The following C16orf92 variants were observed in gnomAD, a reference collection of about 807,000 sequenced individuals.
C16orf92 encodes the protein fertilization-influencing membrane protein 1.
Under a neutral mutation model 13.7 loss-of-function variants are expected in C16orf92, and 14 were observed. That is an observed-to-expected ratio of 1.02 (90% confidence interval 0.67 to 1.60). The LOEUF is 1.60. Among genes scored for constraint, C16orf92 ranks in the 40% most tolerant of loss-of-function variants. C16orf92 has a pLI of 0.00. For missense variants in C16orf92, 116 were observed against 139.0 expected, an observed-to-expected ratio of 0.83 and a Z score of 0.83; for synonymous variants, 50 against 57.4, an observed-to-expected ratio of 0.87 and a Z score of 0.58.
downstream of C16orf92, among the ~76,000 whole-genome samples, chr16:30,027,364 G>A (rs2071193849): frequency 6.6e-6 from 1 of 152,212 alleles, no homozygotes; most frequent in African/African-American, 2.4e-5. Flanking sequence ...TAAAAGGTAG[G>A]TGTGGCCATC....
downstream of C16orf92, chr16:30,026,727 T>C: frequency 6.2e-7 from 1 of 1,614,114 alleles, no homozygotes; most frequent in East Asian, 2.2e-5. Context: ...GGCCGCTCCG[T>C]CGTCCCCTCC....
At chr16:30,027,655 G>C (rs1267297622), downstream of C16orf92, 6 of 456,102 alleles carry the variant, frequency 1.3e-5, no homozygotes, top group Admixed American at 9.4e-5. Flanking sequence ...CAAGGACAAA[G>C]AAAGTTCCAT....
intron 2 of C16orf92, 39 bp from the exon 3 acceptor site, chr16:30,023,960 G>T (rs1350746724): frequency 1.3e-6 from 2 of 1,594,232 alleles, no homozygotes; most frequent in East Asian, 4.5e-5. Context: ...CCTTCATTGG[G>T]CCATCAGAGG....
At chr16:30,026,513 G>T, downstream of C16orf92, 1 of 1,065,546 alleles carries the variant, frequency 9.4e-7, no homozygotes, top group Non-Finnish European at 1.4e-6. Context: ...TTGGTTGTCA[G>T]TACGCAGACC....
At chr16:30,023,597 G>A (rs1358674699) in intron 1 of C16orf92, 130 bp from the exon 2 acceptor site, 4 of 1,545,724 alleles carry the variant, frequency 2.6e-6, no homozygotes, top group Admixed American at 1.7e-5. Context: ...GACCCTGAGG[G>A]AAATCAAGAC....
chr16:30,026,851 G>T, downstream of C16orf92: 1 of 1,612,216 alleles, frequency 6.2e-7, no homozygotes, highest in Non-Finnish European at 8.5e-7. Flanking sequence ...TGTCTGTTGG[G>T]CAGAGAGACG....
rs1296511268 is a variant in C16orf92 at position 30,024,407 on chromosome 16, C to T, written c.*180C>T. ...CTCCTCCCTTCCCAGCCCCAAAGAA[C>T]TTGGTGGCAAGGGCCTTGGTGGCGT... On this transcript the variant is annotated 3_prime_UTR_variant, in exon 4 of 4. Transcript: ENST00000681219. The T allele has an allele frequency of 1.4e-5, 12 of 873,586 alleles. No homozygotes were observed. The highest frequency in any genetic ancestry group is 2.1e-5 in the Non-Finnish European group (12 of 582,914). The allele number at this position is 873,586 out of a possible 1,614,324, so 54.1% of individuals were successfully genotyped here. A position where few individuals can be genotyped will look rare whatever the true frequency, so the allele number is the denominator to read the frequency against.
chr16:30,023,334 A>G lies in C16orf92; in HGVS notation c.-7A>G. 1 of 1,597,438 alleles carries G rather than the reference A, an allele frequency of 6.3e-7. No homozygotes were observed. The highest frequency in any genetic ancestry group is 1.1e-5 in the South Asian group (1 of 88,350). On this transcript the variant is annotated 5_prime_UTR_variant, in exon 1 of 4. In the 5' UTR this introduces an upstream ATG that the reference lacks. Transcript: ENST00000681219. The stretch of plus-strand genomic sequence containing the variant: ...CATCACAGAGCCCCCACCTCATGAT[A>G]GGAGTCATGAGGCTGTGGCCATGGG...
chr16:30,026,527 G>A, downstream of C16orf92: 1 of 1,258,956 alleles, frequency 7.9e-7, no homozygotes, highest in Non-Finnish European at 1.1e-6. Flanking sequence ...GCAGACCCGG[G>A]GCTTCCCAGG....
At chr16:30,024,108 C>A (rs1173517797) in intron 3 of C16orf92, 22 bp downstream of exon 3, 1 of 1,609,242 alleles carries the variant, frequency 6.2e-7, no homozygotes, top group East Asian at 2.2e-5. Context: ...CCCCTTTCTC[C>A]AACCCCACCC....
chr16:30,025,872 G>C, downstream of C16orf92: 1 of 1,450,692 alleles, frequency 6.9e-7, no homozygotes, highest in African/African-American at 1.4e-5. This position sits in a 1 kb window ranked among gnomAD's most constrained non-coding sequence, Gnocchi z 4.1. Context: ...CTGGGTTCTT[G>C]GGCAGCCCCC....
At chr16:30,027,454 T>A, downstream of C16orf92, 1 of 412,408 alleles carries the variant, frequency 2.4e-6, no homozygotes. Flanking sequence ...GCGGTGTGGC[T>A]CCACAGCCCT....
chr16:30,026,963 A>G, downstream of C16orf92: 1 of 795,708 alleles, frequency 1.3e-6, no homozygotes. Flanking sequence ...GGTACAGATG[A>G]GGGATCCAGA....
intron 2 of C16orf92, 54 bp downstream of exon 2, chr16:30,023,939 C>T (rs2070966347): frequency 6.3e-7 from 1 of 1,591,888 alleles, no homozygotes. Flanking sequence ...TGGAGGAGAG[C>T]AGCCCCAGAC....
In C16orf92 at chr16:30,023,249, C is replaced by T; in HGVS notation, c.-92C>T. 1.7e-6 allele frequency: 2 copies of T among 1,167,910 alleles called. No homozygotes were observed. The highest frequency in any genetic ancestry group is 2.5e-6 in the Non-Finnish European group (2 of 804,714). 72.3% of individuals were successfully genotyped at this position (1,167,910 alleles called of 1,614,324 possible). A position where few individuals can be genotyped will look rare whatever the true frequency, so the allele number is the denominator to read the frequency against. On this transcript the variant is annotated 5_prime_UTR_variant, in exon 1 of 4. It introduces an in-frame stop codon into an upstream open reading frame of the 5' UTR. Coordinates refer to ENST00000681219, the MANE Select transcript of C16orf92 (RefSeq NM_001109659.2). ...AGAGTGAGGGATGGGGGAGGGGTCC[C>T]AGCTCCTAGCACTTTCTCCCCTCAC...
downstream of C16orf92, chr16:30,026,794 A>G: frequency 6.2e-7 from 1 of 1,614,184 alleles, no homozygotes; most frequent in Non-Finnish European, 8.5e-7. Flanking sequence ...TAGATGTCGT[A>G]GATGAAGTAG....
chr16:30,024,274 C>T lies in C16orf92; in HGVS notation c.*47C>T, dbSNP rs371431769. 8 of 1,598,878 alleles carry T rather than the reference C, an allele frequency of 5.0e-6. No homozygotes were observed. Among genetic ancestry groups the T allele is most frequent in the South Asian group, 2.2e-5 (2 of 90,624 alleles). ...ACTCAACCTGAGCACCCACACCCAC[C>T]TCCTCTCCTGTTGATGAGCAAAAGT... On this transcript the variant is annotated 3_prime_UTR_variant, in exon 4 of 4. Transcript: ENST00000681219.
chr16:30,025,312 G>A, downstream of C16orf92: 1 of 1,565,904 alleles, frequency 6.4e-7, no homozygotes, highest in Non-Finnish European at 8.7e-7. This position sits in a 1 kb window ranked among gnomAD's most constrained non-coding sequence, Gnocchi z 4.1. Context: ...GGTTGACGTG[G>A]GCAGGGATGG....
chr16:30,027,112 C>T (rs1340835071), downstream of C16orf92: 1 of 572,596 alleles, frequency 1.7e-6, no homozygotes. Context: ...AAGAAAAGAC[C>T]AGAAGATGCC....
Sources: gnomAD v4.1 joint callset for allele counts (sites outside exome capture counted in the v4.1 genomes callset) on GRCh38, gnomAD v4.1.1 for gene constraint, Gnocchi (gnomAD v3.1) non-coding constraint, MANE v1.5 for transcripts, NCBI Gene and HGNC (gene_info 2026-07-23, HGNC 2026-07-21) for gene names.